The following SYTL2 variants were observed in gnomAD, a reference collection of about 807,000 sequenced individuals.
SYTL2 encodes the protein synaptotagmin like 2.
A neutral mutation model predicts 198.7 loss-of-function variants in SYTL2; 165 were observed. That is an observed-to-expected ratio of 0.83 (90% CI 0.73 to 0.94). The LOEUF (loss-of-function observed/expected upper bound fraction) is 0.94, where lower values mean the gene tolerates loss of function less well. SYTL2 is among the 40% of genes least tolerant of loss of function. The pLI is 0.00. For synonymous variants in SYTL2, 966 were observed against 917.7 expected (o/e 1.05, Z -0.95); for missense variants, 2,835 against 2,582.8 (o/e 1.10, Z -2.12).
Position 85,696,320 on chromosome 11 carries a change from G to C in SYTL2, c.6437C>G (p.Pro2146Arg), listed in dbSNP as rs755717818. ...ATACACCATAGTGTGGTTGAAGATAGGGTTGGTGGTTTTCCCTACAGCTCT... is the reference window on the plus strand; with the variant it reads ...ATACACCATAGTGTGGTTGAAGATACGGTTGGTGGTTTTCCCTACAGCTCT... The part of the protein sequence containing the change: ...KTRAVGKTTN[P>R]IFNHTMVYDG... Residue 2146 changes from proline to arginine, a missense_variant, in exon 19 of 20, where the codon CCT becomes CGT. Around this residue, in one of 3 missense-constraint regions of SYTL2, gnomAD observed 185 missense variants for 182.1 expected, o/e 1.02. Transcript: ENST00000359152. The C allele has an allele frequency of 6.2e-7, 1 of 1,614,020 alleles. No homozygotes were observed.
chr11:85,814,733 G>GT (rs1224700839), upstream of SYTL2, among the ~76,000 whole-genome samples: 1 of 152,158 alleles, frequency 6.6e-6, no homozygotes, highest in Non-Finnish European at 1.5e-5. Context: ...AAATCGTTTA[G>GT]TTTTATCAGC....
chr11:85,775,060 T>G (rs60958929), intron 1 of SYTL2, among the ~76,000 whole-genome samples: 8,701 of 151,884 alleles, frequency 0.057, 789 homozygotes, highest in African/African-American at 0.19. Flanking sequence ...CAAGCTAGCT[T>G]AGGGAGAAAG....
chr11:85,820,871 A>G, the SYTL2 span, among the ~76,000 whole-genome samples: 1 of 152,242 alleles, frequency 6.6e-6, no homozygotes, highest in Non-Finnish European at 1.5e-5. Flanking sequence ...TTTTTAAAGT[A>G]AGTATACTGT....
chr11:85,698,787 C>T (rs2153365588), intron 17 of SYTL2, among the ~76,000 whole-genome samples: 1 of 152,338 alleles, frequency 6.6e-6, no homozygotes, highest in Non-Finnish European at 1.5e-5. Context: ...GATCCACCAG[C>T]CTCAGCCTCC....
intron 3 of SYTL2, among the ~76,000 whole-genome samples, chr11:85,747,636 A>G (rs2091245983): frequency 6.6e-6 from 1 of 152,188 alleles, no homozygotes; most frequent in Non-Finnish European, 1.5e-5. Flanking sequence ...AAAGTGTTTT[A>G]AAACTCCTGT....
chr11:85,835,654 G>A, the SYTL2 span, among the ~76,000 whole-genome samples: 10 of 152,070 alleles, frequency 6.6e-5, no homozygotes, highest in African/African-American at 2.2e-4. Flanking sequence ...ATCCCTCTCA[G>A]AACCCTCCAA....
At chr11:85,745,850 C>G in intron 3 of SYTL2, 78 bp from the exon 4 acceptor site, 1 of 1,469,208 alleles carries the variant, frequency 6.8e-7, no homozygotes, top group Non-Finnish European at 9.2e-7. Flanking sequence ...GCTCTTATCA[C>G]TGAAGCCTTG....
intron 7 of SYTL2, among the ~76,000 whole-genome samples, chr11:85,731,102 G>T (rs1284069779): frequency 1.3e-5 from 2 of 152,108 alleles, no homozygotes; most frequent in Non-Finnish European, 2.9e-5. Context: ...CAAACAAATG[G>T]AAAAACATTC....
intron 12 of SYTL2, 77 bp from the exon 13 acceptor site, chr11:85,711,309 T>C: frequency 1.3e-6 from 2 of 1,513,088 alleles, no homozygotes; most frequent in Admixed American, 1.9e-5. Context: ...TAGGCAAAGA[T>C]GAGATTTTGG....
intron 1 of SYTL2, among the ~76,000 whole-genome samples, chr11:85,800,514 A>G (rs1342889928): frequency 2.0e-5 from 3 of 152,048 alleles, no homozygotes; most frequent in African/African-American, 7.2e-5. Context: ...CCTGGGTTCA[A>G]GCAATCCTCC....
intron 6 of SYTL2, among the ~76,000 whole-genome samples, chr11:85,736,035 C>A (rs2090313211): frequency 6.6e-6 from 1 of 152,208 alleles, no homozygotes; most frequent in Admixed American, 6.5e-5. Flanking sequence ...AGCAGGCTGA[C>A]TTACATCAAT....
chr11:85,810,426 A>G (rs1298716187), intron 1 of SYTL2, among the ~76,000 whole-genome samples: 2 of 152,122 alleles, frequency 1.3e-5, no homozygotes, highest in African/African-American at 4.8e-5. Flanking sequence ...AAGGATGATA[A>G]AGCCCACTCG....
the SYTL2 span, among the ~76,000 whole-genome samples, chr11:85,851,923 C>A: frequency 6.6e-6 from 1 of 152,180 alleles, no homozygotes; most frequent in African/African-American, 2.4e-5. Context: ...ACCAGGTTAA[C>A]AGAAGAACAT....
chr11:85,714,623 G>T, intron 11 of SYTL2, 116 bp from the exon 12 acceptor site: 2 of 1,456,952 alleles, frequency 1.4e-6, no homozygotes, highest in Non-Finnish European at 1.8e-6. Flanking sequence ...TTGTAAAAAA[G>T]TTAAAGGCAG....
chr11:85,795,439 A>T (rs2092789804), intron 1 of SYTL2, among the ~76,000 whole-genome samples: 1 of 152,186 alleles, frequency 6.6e-6, no homozygotes, highest in South Asian at 2.1e-4. Context: ...CCTGAGTTGC[A>T]CTCATTTAAC....
At chr11:85,792,179 G>C (rs1444609795) in intron 1 of SYTL2, among the ~76,000 whole-genome samples, 2 of 151,958 alleles carry the variant, frequency 1.3e-5, no homozygotes, top group Non-Finnish European at 2.9e-5. Flanking sequence ...CACTGAAGAG[G>C]ACATGACTTA....
the SYTL2 span, among the ~76,000 whole-genome samples, chr11:85,845,499 A>T: frequency 6.6e-6 from 1 of 152,222 alleles, no homozygotes; most frequent in African/African-American, 2.4e-5. Context: ...GCAGTGGCTC[A>T]TGCCTGTAAT....
Position 85,696,113 on chromosome 11 carries a change from C to A in SYTL2, c.6574+70G>T, listed in dbSNP as rs1395884437. 11 of 1,299,238 alleles carry A rather than the reference C, an allele frequency of 8.5e-6. No homozygotes were observed. In the East Asian group the frequency reaches 2.5e-4, roughly 30 times the overall value. The allele number at this position is 1,299,238 out of a possible 1,614,324, so 80.5% of individuals were successfully genotyped here. ...CGGTTTTCACTGGGAAGAAGCAAAG[C>A]AACAAACAAACCTCTAGTATCTCTA... On this transcript the variant is annotated intron_variant, in intron 19 of 19. Coordinates refer to ENST00000359152, the MANE Select transcript of SYTL2 (RefSeq NM_206927.4).
In SYTL2 at chr11:85,725,930, GT is replaced by G. The variant is rs775673229; in HGVS notation, c.3427del (p.Thr1143ProfsTer57). The G allele has an allele frequency of 1.9e-6, 3 of 1,614,150 alleles. No individual in the cohort carries two copies. Among genetic ancestry groups the G allele is most frequent in the Non-Finnish European group, 1.7e-6 (2 of 1,179,990 alleles). On this transcript the variant is annotated frameshift_variant, in exon 8 of 20. Transcript: ENST00000359152. LOFTEE classifies it high-confidence loss of function. ...AGAGGGTTGAATTGCTGGTGTTGAG[GT>G]TTCTGAAAGCAGTTTCTGCAAGCTG... ...NDSLQKLLSETSTPAIQPSGG... is the reference protein window; with the variant it reads ...NDSLQKLLSEXSTPAIQPSGG...
Sources: allele counts gnomAD v4.1 joint callset (sites outside exome capture counted in the v4.1 genomes callset), GRCh38; gene constraint gnomAD v4.1.1; regional missense constraint gnomAD v4.1.1; transcripts MANE v1.5; gene names NCBI Gene and HGNC (gene_info 2026-07-23, HGNC 2026-07-21).